LRRFIP2: variants seen among roughly 807,000 people sequenced by gnomAD.
LRRFIP2 encodes the protein leucine-rich repeat flightless-interacting protein 2.
A neutral mutation model predicts 125.9 loss-of-function variants in LRRFIP2; 109 were observed. The ratio of observed to expected loss-of-function variants is 0.87; its 90% CI spans 0.74 to 1.01. The LOEUF (loss-of-function observed/expected upper bound fraction) is 1.01. LRRFIP2 is among the 50% of genes least tolerant of loss of function. The pLI is 0.00. For synonymous variants in LRRFIP2, 291 were observed against 293.1 expected (o/e 0.99, Z 0.07); for missense variants, 850 against 862.3 (o/e 0.99, Z 0.18).
At chr3:37,167,197 CA>C (rs570958652) in intron 1 of LRRFIP2, among the ~76,000 whole-genome samples, 95 of 50,922 alleles carry the variant, frequency 1.9e-3, no homozygotes, top group East Asian at 0.011. Flanking sequence ...ATCTTGTCTC[CA>C]AAAAAAAAAA....
chr3:37,072,911 TA>T (rs1559712695), intron 20 of LRRFIP2, 29 bp from the exon 21 acceptor site: 1 of 1,428,616 alleles, frequency 7.0e-7, no homozygotes, highest in African/African-American at 1.4e-5. Flanking sequence ...AGAGAAGTAA[TA>T]AAAGAGCAGA....
intron 8 of LRRFIP2, among the ~76,000 whole-genome samples, chr3:37,112,092 C>T (rs898590678): frequency 4.0e-4 from 61 of 152,152 alleles, no homozygotes; most frequent in African/African-American, 1.3e-3. Flanking sequence ...GTTTAGCAGC[C>T]GGGCACTGTG....
At chr3:37,132,771 A>G (rs1334870703) in intron 2 of LRRFIP2, among the ~76,000 whole-genome samples, 1 of 152,220 alleles carries the variant, frequency 6.6e-6, no homozygotes, top group Non-Finnish European at 1.5e-5. Flanking sequence ...TGAATAGACA[A>G]TTATGGGTAC....
At chr3:37,144,066 G>A (rs2095794751) in intron 2 of LRRFIP2, 1 of 152,758 alleles carries the variant, frequency 6.5e-6, no homozygotes, top group Non-Finnish European at 1.5e-5. Flanking sequence ...CCTTTACCCT[G>A]GGCACCCCAA....
At chr3:37,172,754 T>G (rs1160127714) in intron 1 of LRRFIP2, 1 of 152,194 alleles carries the variant, frequency 6.6e-6, no homozygotes. Context: ...AAATGAATAA[T>G]GAACTAATGA....
intron 1 of LRRFIP2, among the ~76,000 whole-genome samples, chr3:37,157,437 T>C (rs538611070): frequency 7.9e-5 from 12 of 151,906 alleles, no homozygotes; most frequent in Admixed American, 5.9e-4. Context: ...AGTGAGACCT[T>C]GTCTCAAAAA....
At chr3:37,136,006 T>A (rs781722164) in intron 2 of LRRFIP2, among the ~76,000 whole-genome samples, 2 of 152,208 alleles carry the variant, frequency 1.3e-5, no homozygotes, top group Non-Finnish European at 2.9e-5. Flanking sequence ...AGCAGCATTA[T>A]TGACAATAGC....
At chr3:37,090,942 C>T (rs2093397359) in intron 18 of LRRFIP2, among the ~76,000 whole-genome samples, 1 of 152,184 alleles carries the variant, frequency 6.6e-6, no homozygotes, top group Admixed American at 6.5e-5. Flanking sequence ...AAATATGCAA[C>T]ACTTTTTCAT....
rs74718360 is a variant in LRRFIP2 at position 37,123,351 on chromosome 3, C to T, written c.229-1660G>A. Among the ~76,000 whole-genome samples, 258 of 152,224 alleles carry T rather than the reference C, an allele frequency of 1.7e-3. 1 individual carries two copies. Among genetic ancestry groups the T allele is most frequent in the African/African-American group, 5.4e-3 (225 of 41,518 alleles). On this transcript the variant is annotated intron_variant, in intron 4 of 27. Transcript: ENST00000336686. ...GGACCACAGGCACCCACCACCACAC[C>T]CGGCTACTTTTTGTTTTAGCAGAGA...
chr3:37,135,814 G>A (rs1165283474), intron 2 of LRRFIP2, among the ~76,000 whole-genome samples: 1 of 152,194 alleles, frequency 6.6e-6, no homozygotes, highest in Non-Finnish European at 1.5e-5. Flanking sequence ...TGGCAAGGAT[G>A]TGGAGAAATT....
intron 2 of LRRFIP2, among the ~76,000 whole-genome samples, chr3:37,146,715 C>G (rs558101097): frequency 6.6e-6 from 1 of 152,156 alleles, no homozygotes; most frequent in Non-Finnish European, 1.5e-5. Flanking sequence ...CAGTCTATCA[C>G]TGATGGGCAT....
At chr3:37,054,298 G>T in intron 27 of LRRFIP2, 113 bp downstream of exon 27, 2 of 803,898 alleles carry the variant, frequency 2.5e-6, no homozygotes, top group Non-Finnish European at 4.0e-6. Flanking sequence ...TTAGTTAAGT[G>T]ACTCCACTGC....
intron 15 of LRRFIP2, among the ~76,000 whole-genome samples, chr3:37,100,005 G>A (rs2093932405): frequency 6.6e-6 from 1 of 152,028 alleles, no homozygotes; most frequent in Non-Finnish European, 1.5e-5. Context: ...GGAGGGGAGG[G>A]AGGTCTATCA....
Position 37,122,089 on chromosome 3 carries a change from C to A in LRRFIP2, c.229-398G>T, listed in dbSNP as rs1402912621. ...CCCCCTCCCCCCACCCCACAACAAG[C>A]CCTATGTGTGATGTTCCCCTTCCTG... On this transcript the variant is annotated intron_variant, in intron 4 of 27. Coordinates refer to ENST00000336686, the MANE Select transcript of LRRFIP2 (RefSeq NM_006309.4). Among the ~76,000 whole-genome samples the A allele has an allele frequency of 2.6e-5, 3 of 116,930 alleles. No individual in the cohort carries two copies. The Admixed American group carries it at 3.2e-4, about 12-fold the overall frequency. 76.7% of individuals were successfully genotyped at this position (116,930 alleles called of 152,430 possible). A position where few individuals can be genotyped will look rare whatever the true frequency, so the allele number is the denominator to read the frequency against.
chr3:37,091,607 A>G, intron 17 of LRRFIP2, 69 bp from the exon 18 acceptor site: 6 of 1,114,740 alleles, frequency 5.4e-6, no homozygotes, highest in Non-Finnish European at 6.5e-6. Context: ...CAAAGGATTC[A>G]GATGAAATGT....
intron 2 of LRRFIP2, among the ~76,000 whole-genome samples, chr3:37,129,449 A>G (rs1559979686): frequency 6.6e-6 from 1 of 152,060 alleles, no homozygotes; most frequent in Non-Finnish European, 1.5e-5. Flanking sequence ...TTTTTCCAGA[A>G]TTTTTTCCCC....
At chr3:37,070,242 T>G (rs1313409787) in intron 21 of LRRFIP2, among the ~76,000 whole-genome samples, 1 of 151,738 alleles carries the variant, frequency 6.6e-6, no homozygotes, top group African/African-American at 2.4e-5. Flanking sequence ...GCCTCCCAAG[T>G]AGCTGGGATT....
At chr3:37,141,609 G>A (rs1015421672) in intron 2 of LRRFIP2, among the ~76,000 whole-genome samples, 1 of 152,190 alleles carries the variant, frequency 6.6e-6, no homozygotes, top group African/African-American at 2.4e-5. Flanking sequence ...AAATCCACCT[G>A]TCTTTCTTCT....
intron 2 of LRRFIP2, among the ~76,000 whole-genome samples, chr3:37,146,494 T>C (rs1293645338): frequency 6.6e-6 from 1 of 152,188 alleles, no homozygotes; most frequent in African/African-American, 2.4e-5. Flanking sequence ...GGCCCCAGTG[T>C]GTGTTGTTCC....
Sources: allele counts gnomAD v4.1 joint callset (sites outside exome capture counted in the v4.1 genomes callset), GRCh38; gene constraint gnomAD v4.1.1; transcripts MANE v1.5; gene names NCBI Gene and HGNC (gene_info 2026-07-23, HGNC 2026-07-21).